The following TATDN1 variants were observed in gnomAD, a reference collection of about 807,000 sequenced individuals.
TATDN1 encodes TatD DNase domain containing 1, also known as deoxyribonuclease TATDN1.
Under a neutral mutation model 46.4 loss-of-function variants are expected in TATDN1, and 40 were observed. The observed-to-expected ratio is 0.86, with a 90% CI of 0.67 to 1.12. The LOEUF (loss-of-function observed/expected upper bound fraction) is 1.12. Among genes scored for constraint, TATDN1 ranks in the 50% most tolerant of loss-of-function variants. The probability of loss-of-function intolerance (pLI) is 0.00; values close to 1 mark genes in which losing one functional copy is unlikely to be tolerated. For missense variants in TATDN1, 326 were observed against 348.4 expected (o/e 0.94, Z 0.51); for synonymous variants, 95 against 105.6 (o/e 0.90, Z 0.62).
intron 9 of TATDN1, among the ~76,000 whole-genome samples, chr8:124,498,134 G>A (rs1345303183): frequency 1.3e-5 from 2 of 152,006 alleles, no homozygotes; most frequent in Non-Finnish European, 2.9e-5. Context: ...TCGTCTGGTG[G>A]TCCTTGGATA....
At chr8:124,509,335 G>GCCAACTTGGAACAGAACTTCA (rs1427891902) in intron 6 of TATDN1, among the ~76,000 whole-genome samples, 2 of 152,136 alleles carry the variant, frequency 1.3e-5, no homozygotes, top group Non-Finnish European at 2.9e-5. Context: ...ACCTGGCATG[G>GCCAACTTGGAACAGAACTTCA]CCAACTTGGA....
At chr8:124,512,930 T>C (rs1819153381) in intron 6 of TATDN1, among the ~76,000 whole-genome samples, 1 of 152,106 alleles carries the variant, frequency 6.6e-6, no homozygotes, top group South Asian at 2.1e-4. Context: ...TTTTTTTTTC[T>C]TTTGAGCGGA....
At position 124,539,030 on chromosome 8, in the gene TATDN1, A is replaced by G. The variant is rs1187112260; in HGVS notation, c.17T>C (p.Phe6Ser). The G allele has an allele frequency of 6.2e-7, 1 of 1,613,974 alleles. No homozygotes were observed. The highest frequency in any genetic ancestry group is 1.3e-5 in the African/African-American group (1 of 74,920). Residue 6 changes from phenylalanine to serine, a missense_variant, in exon 1 of 12, where the codon TTT becomes TCT. Transcript: ENST00000276692. The stretch of plus-strand genomic sequence containing the variant: ...GTGGAAAACGCTCCTCTTACCGATA[A>G]ACTTGAAGCGACTCATGACTGCGCA... Reference protein sequence around the residue: MSRFKFIDIGINLTDP... With the variant: MSRFKSIDIGINLTDP...
At chr8:124,535,095 G>C (rs1416560389) in intron 1 of TATDN1, among the ~76,000 whole-genome samples, 1 of 152,140 alleles carries the variant, frequency 6.6e-6, no homozygotes, top group Non-Finnish European at 1.5e-5. Context: ...GGGTGGGAGG[G>C]ACTGAAACTT....
At chr8:124,516,339 G>A (rs1406918089) in intron 4 of TATDN1, among the ~76,000 whole-genome samples, 1 of 151,212 alleles carries the variant, frequency 6.6e-6, no homozygotes, top group Admixed American at 6.6e-5. Flanking sequence ...GTGCCACTGT[G>A]TCACCCAGGC....
intron 1 of TATDN1, among the ~76,000 whole-genome samples, chr8:124,533,069 G>A (rs1472094582): frequency 8.6e-5 from 13 of 152,006 alleles, no homozygotes; most frequent in African/African-American, 1.9e-4. Context: ...TGGCTAACAC[G>A]GTAAAACCCC....
chr8:124,517,921 C>G (rs1327706907), intron 4 of TATDN1, among the ~76,000 whole-genome samples: 1 of 152,018 alleles, frequency 6.6e-6, no homozygotes, highest in Non-Finnish European at 1.5e-5. Flanking sequence ...ATCAAAAACA[C>G]CTGAGGTTGG....
At chr8:124,506,382 A>C in intron 8 of TATDN1, among the ~76,000 whole-genome samples, 1 of 151,996 alleles carries the variant, frequency 6.6e-6, no homozygotes, top group South Asian at 2.1e-4. Context: ...AAAAGAAATA[A>C]AGCAAATGGG....
At chr8:124,490,618 C>A (rs1816903021) in intron 11 of TATDN1, among the ~76,000 whole-genome samples, 1 of 152,176 alleles carries the variant, frequency 6.6e-6, no homozygotes, top group South Asian at 2.1e-4. Flanking sequence ...CTTCTGTAGC[C>A]AAGCCATGCT....
chr8:124,507,368 A>C (rs1818557331), intron 8 of TATDN1, among the ~76,000 whole-genome samples: 3 of 152,242 alleles, frequency 2.0e-5, no homozygotes, highest in African/African-American at 7.2e-5. Context: ...AACCTAAAAC[A>C]AATGGTAAAA....
At chr8:124,502,333 T>C (rs1272798430) in intron 9 of TATDN1, among the ~76,000 whole-genome samples, 3 of 125,514 alleles carry the variant, frequency 2.4e-5, no homozygotes, top group African/African-American at 6.2e-5. Flanking sequence ...TGAGTGAGAG[T>C]CCCTCTCAAA....
At chr8:124,533,257 A>C (rs1168979745) in intron 1 of TATDN1, among the ~76,000 whole-genome samples, 3 of 151,978 alleles carry the variant, frequency 2.0e-5, no homozygotes, top group African/African-American at 4.8e-5. Flanking sequence ...GTCTCAAAAA[A>C]AAAAAACGCA....
intron 3 of TATDN1, among the ~76,000 whole-genome samples, chr8:124,520,041 AAT>A (rs973407495): frequency 6.6e-6 from 1 of 152,208 alleles, no homozygotes; most frequent in African/African-American, 2.4e-5. Flanking sequence ...GCAAATGATA[AAT>A]AGATATTTTC....
At chr8:124,527,474 G>T (rs1820596859) in intron 1 of TATDN1, among the ~76,000 whole-genome samples, 2 of 152,138 alleles carry the variant, frequency 1.3e-5, no homozygotes, top group African/African-American at 4.8e-5. Flanking sequence ...GTCAGCAGAG[G>T]AGTGAGTCTT....
intron 9 of TATDN1, among the ~76,000 whole-genome samples, chr8:124,503,365 G>A (rs73704283): frequency 0.021 from 3,249 of 152,082 alleles, 114 homozygotes; most frequent in African/African-American, 0.075. Flanking sequence ...TCATGCTGGG[G>A]GGACTCTGAT....
At chr8:124,537,051 CAATTA>C (rs1586697632) in intron 1 of TATDN1, among the ~76,000 whole-genome samples, 1 of 152,180 alleles carries the variant, frequency 6.6e-6, no homozygotes, top group East Asian at 1.9e-4. Context: ...AAATTTATTT[CAATTA>C]TTTATTCCAA....
At chr8:124,533,032 G>A (rs1038757916) in intron 1 of TATDN1, among the ~76,000 whole-genome samples, 23 of 152,088 alleles carry the variant, frequency 1.5e-4, no homozygotes, top group African/African-American at 4.8e-4. Context: ...GTGGGCAGAT[G>A]ACGAGGTCAG....
chr8:124,518,339 A>G (rs1278469485), intron 4 of TATDN1, among the ~76,000 whole-genome samples: 3 of 150,370 alleles, frequency 2.0e-5, no homozygotes, highest in Admixed American at 1.3e-4. Context: ...CCTGGCTAAC[A>G]TGGTGAAACC....
intron 1 of TATDN1, chr8:124,538,476 T>C (rs935957864): frequency 1.3e-5 from 2 of 157,960 alleles, no homozygotes; most frequent in African/African-American, 2.4e-5. Context: ...ACTTGCCAAG[T>C]ACAGTTTGTT....
Sources: allele counts gnomAD v4.1 joint callset (sites outside exome capture counted in the v4.1 genomes callset), GRCh38; gene constraint gnomAD v4.1.1; transcripts MANE v1.5; gene names NCBI Gene and HGNC (gene_info 2026-07-23, HGNC 2026-07-21).